GPR89B: variants seen among roughly 807,000 people sequenced by gnomAD.
The protein encoded by GPR89B is G protein-coupled receptor 89B.
In GPR89B, 25 loss-of-function variants were observed where a neutral mutation model predicts 52.4. The observed-to-expected ratio is 0.48, with a 90% CI of 0.35 to 0.67. GPR89B has a LOEUF of 0.67. Among genes scored for constraint, GPR89B ranks in the 30% least tolerant of loss-of-function variants. The pLI, the probability that GPR89B is intolerant of heterozygous loss-of-function variation, is 0.01. For missense variants in GPR89B, 146 were observed against 450.2 expected (o/e 0.32, Z 6.11); for synonymous variants, 52 against 151.2 (o/e 0.34, Z 4.81).
intron 7 of GPR89B, among the ~76,000 whole-genome samples, chr1:147,954,884 C>T (rs1656003968): frequency 6.6e-6 from 1 of 151,958 alleles, no homozygotes; most frequent in African/African-American, 2.4e-5. Flanking sequence ...TCTGTCACCT[C>T]ACATGTTTAT....
At chr1:148,017,215 G>C in the GPR89B span, among the ~76,000 whole-genome samples, 2 of 151,206 alleles carry the variant, frequency 1.3e-5, no homozygotes, top group African/African-American at 4.9e-5. Context: ...GTAATTTTTT[G>C]TATTTTTAGT....
At chr1:147,950,022 G>A (rs1185566919) in intron 5 of GPR89B, among the ~76,000 whole-genome samples, 1 of 147,870 alleles carries the variant, frequency 6.8e-6, no homozygotes, top group Non-Finnish European at 1.5e-5. Flanking sequence ...CGGGCGGGGG[G>A]CTGACCTCCC....
At chr1:147,945,987 A>G (rs1443138226) in intron 5 of GPR89B, among the ~76,000 whole-genome samples, 1 of 152,012 alleles carries the variant, frequency 6.6e-6, no homozygotes, top group Non-Finnish European at 1.5e-5. Flanking sequence ...CAGCTTCCCA[A>G]AGTGCTGGGA....
the GPR89B span, chr1:148,005,494 T>G: frequency 6.2e-7 from 1 of 1,605,364 alleles, no homozygotes; most frequent in Admixed American, 1.7e-5. Context: ...ATCAGTCATG[T>G]ATACCCCCTT....
At chr1:148,002,981 C>G in the GPR89B span, among the ~76,000 whole-genome samples, 36 of 152,154 alleles carry the variant, frequency 2.4e-4, 1 homozygote, top group Non-Finnish European at 5.0e-4. Context: ...TGAATTATCA[C>G]AGTGCTTGAT....
chr1:148,019,583 T>G, the GPR89B span, among the ~76,000 whole-genome samples: 7 of 151,162 alleles, frequency 4.6e-5, no homozygotes, highest in African/African-American at 1.5e-4. Flanking sequence ...GAACTTAAAA[T>G]AAAAGTTGGA....
At chr1:147,944,895 A>G (rs1355579738) in intron 5 of GPR89B, among the ~76,000 whole-genome samples, 5 of 148,362 alleles carry the variant, frequency 3.4e-5, no homozygotes, top group African/African-American at 1.3e-4. Flanking sequence ...CCTTTTTAAA[A>G]ATATATATAT....
Position 147,928,519 on chromosome 1 carries a change from C to T in GPR89B, c.-18C>T. On this transcript the variant is annotated 5_prime_UTR_variant, in exon 1 of 14. Coordinates refer to ENST00000314163, the MANE Select transcript of GPR89B (RefSeq NM_016334.5). ...CGGGAGTGGGAAGTGGAGGCAGGAGCCTTCCTTACACTTCGCCATGAGTTT... is the reference window on the plus strand; with the variant it reads ...CGGGAGTGGGAAGTGGAGGCAGGAGTCTTCCTTACACTTCGCCATGAGTTT... 6.2e-7 allele frequency: 1 copy of T among 1,613,888 alleles called. No individual in the cohort carries two copies. Among genetic ancestry groups the T allele is most frequent in the Non-Finnish European group, 8.5e-7 (1 of 1,179,788 alleles).
At chr1:147,980,430 A>G (rs1658151157) in intron 10 of GPR89B, among the ~76,000 whole-genome samples, 1 of 117,438 alleles carries the variant, frequency 8.5e-6, no homozygotes, top group African/African-American at 3.5e-5. Context: ...GTCTCAAGGA[A>G]TTTGTCTATT....
intron 10 of GPR89B, among the ~76,000 whole-genome samples, chr1:147,980,707 T>C (rs1399144522): frequency 1.3e-5 from 2 of 149,306 alleles, no homozygotes; most frequent in East Asian, 2.0e-4. Flanking sequence ...TAGTCCCAGC[T>C]ACTTGGGAGG....
chr1:147,945,146 G>T (rs1409575035), intron 5 of GPR89B, among the ~76,000 whole-genome samples: 22 of 137,484 alleles, frequency 1.6e-4, no homozygotes, highest in Non-Finnish European at 3.4e-4. Flanking sequence ...GCCACTCAGG[G>T]TCTATGACAT....
the GPR89B span, among the ~76,000 whole-genome samples, chr1:148,000,865 G>A: frequency 1.4e-5 from 2 of 144,354 alleles, no homozygotes; most frequent in Non-Finnish European, 3.0e-5. Flanking sequence ...AGAAAATAAA[G>A]TTAGTTTGAT....
the GPR89B span, among the ~76,000 whole-genome samples, chr1:148,021,231 G>A: frequency 6.6e-6 from 1 of 151,126 alleles, no homozygotes; most frequent in Non-Finnish European, 1.5e-5. Context: ...GGCCGGGCGC[G>A]GTGGCTCACG....
the GPR89B span, among the ~76,000 whole-genome samples, chr1:148,007,136 C>T: frequency 6.7e-5 from 9 of 133,384 alleles, no homozygotes; most frequent in Non-Finnish European, 1.2e-4. Context: ...AGTGCAGTGG[C>T]GCAATCTGAG....
At chr1:147,991,662 G>A (rs1363125598) in intron 12 of GPR89B, among the ~76,000 whole-genome samples, 2 of 152,174 alleles carry the variant, frequency 1.3e-5, no homozygotes, top group Admixed American at 6.5e-5. Context: ...ATGAAGGGCT[G>A]TTGAATTTTG....
intron 10 of GPR89B, among the ~76,000 whole-genome samples, chr1:147,976,195 C>G (rs1657811984): frequency 6.6e-6 from 1 of 151,836 alleles, no homozygotes; most frequent in South Asian, 2.1e-4. Context: ...GAGTTCAAGT[C>G]CTAAATATAC....
At chr1:147,940,126 G>T (rs781870618) in intron 3 of GPR89B, among the ~76,000 whole-genome samples, 3 of 151,472 alleles carry the variant, frequency 2.0e-5, no homozygotes, top group Admixed American at 2.0e-4. Context: ...AACCTTGGCC[G>T]GGCGCGGTGG....
At chr1:147,991,640 T>TGA (rs1659077272) in intron 12 of GPR89B, among the ~76,000 whole-genome samples, 2 of 151,960 alleles carry the variant, frequency 1.3e-5, no homozygotes, top group Admixed American at 6.6e-5. Context: ...CCTAATTTAT[T>TGA]GAGTTTTTAG....
intron 10 of GPR89B, among the ~76,000 whole-genome samples, chr1:147,985,433 T>C (rs1420612063): frequency 3.3e-5 from 5 of 151,968 alleles, no homozygotes; most frequent in Non-Finnish European, 5.9e-5. Context: ...GCCATTTCAT[T>C]GACATGTTTA....
Sources: allele counts gnomAD v4.1 joint callset (sites outside exome capture counted in the v4.1 genomes callset), GRCh38; gene constraint gnomAD v4.1.1; transcripts MANE v1.5; gene names NCBI Gene and HGNC (gene_info 2026-07-23, HGNC 2026-07-21).